The following AKAP19 variants were observed in gnomAD, a reference collection of about 807,000 sequenced individuals.
AKAP19 encodes the protein small A-kinase anchoring protein.
chr2:190,084,231 T>G, the AKAP19 span, among the ~76,000 whole-genome samples: 4 of 152,040 alleles, frequency 2.6e-5, no homozygotes, highest in Admixed American at 6.6e-5. Context: ...TACCTGGGAT[T>G]ACAGGCGCCC....
the AKAP19 span, chr2:190,060,405 G>A: frequency 6.2e-7 from 1 of 1,609,958 alleles, no homozygotes; most frequent in South Asian, 1.1e-5. Context: ...GCAACATTTG[G>A]GTTTTCCATC....
chr2:189,985,249 A>C, the AKAP19 span, among the ~76,000 whole-genome samples: 2 of 152,016 alleles, frequency 1.3e-5, no homozygotes, highest in Non-Finnish European at 2.9e-5. Flanking sequence ...TCAGTTTTCC[A>C]TACAGAGCTT....
chr2:190,026,217 C>T, the AKAP19 span, among the ~76,000 whole-genome samples: 5 of 152,152 alleles, frequency 3.3e-5, no homozygotes, highest in South Asian at 4.1e-4. Flanking sequence ...GCTATGTCCA[C>T]AGGCCAAATC....
the AKAP19 span, among the ~76,000 whole-genome samples, chr2:190,084,415 T>C: frequency 2.7e-3 from 417 of 152,292 alleles, 3 homozygotes; most frequent in African/African-American, 9.6e-3. Context: ...ATTTTAAAGC[T>C]TCTGGGTGAT....
the AKAP19 span, among the ~76,000 whole-genome samples, chr2:190,016,162 C>T: frequency 1.3e-5 from 2 of 152,178 alleles, no homozygotes; most frequent in Admixed American, 1.3e-4. Context: ...TATAGCAGCA[C>T]CCCACTCCTA....
the AKAP19 span, among the ~76,000 whole-genome samples, chr2:190,193,188 A>C: frequency 6.6e-6 from 1 of 151,876 alleles, no homozygotes; most frequent in Non-Finnish European, 1.5e-5. Flanking sequence ...ATTTTATCAA[A>C]ATTTTTTTTC....
the AKAP19 span, among the ~76,000 whole-genome samples, chr2:189,985,657 A>G: frequency 6.6e-6 from 1 of 152,220 alleles, no homozygotes; most frequent in Non-Finnish European, 1.5e-5. Context: ...GCTTGGAAGC[A>G]GATTCTTCCC....
the AKAP19 span, among the ~76,000 whole-genome samples, chr2:190,024,061 A>G: frequency 5.9e-4 from 90 of 151,900 alleles, no homozygotes; most frequent in East Asian, 0.015. Context: ...GGGGCAGTAG[A>G]TGCAATAGTA....
At chr2:190,091,987 A>G in the AKAP19 span, among the ~76,000 whole-genome samples, 6 of 152,162 alleles carry the variant, frequency 3.9e-5, no homozygotes, top group African/African-American at 1.4e-4. Flanking sequence ...CTTCCTCAGA[A>G]ATTAAATATT....
chr2:190,099,000 A>T, the AKAP19 span, among the ~76,000 whole-genome samples: 1 of 152,282 alleles, frequency 6.6e-6, no homozygotes, highest in Admixed American at 6.5e-5. Flanking sequence ...TTTGCTCTTG[A>T]TTAGGCTTCA....
the AKAP19 span, among the ~76,000 whole-genome samples, chr2:189,883,483 C>T: frequency 1.3e-5 from 2 of 149,686 alleles, no homozygotes; most frequent in African/African-American, 4.9e-5. Context: ...TCGTTTCTAA[C>T]ATTCTGTTAT....
the AKAP19 span, among the ~76,000 whole-genome samples, chr2:190,138,171 G>T: frequency 6.6e-6 from 1 of 152,090 alleles, no homozygotes. Context: ...TTCATTCCTG[G>T]CCTTCTTTGT....
At chr2:189,899,680 A>G in the AKAP19 span, among the ~76,000 whole-genome samples, 2 of 151,712 alleles carry the variant, frequency 1.3e-5, no homozygotes, top group Non-Finnish European at 2.9e-5. Context: ...GCCCTTTTTC[A>G]TCTCTGTTGT....
At chr2:190,197,397 T>C in the AKAP19 span, among the ~76,000 whole-genome samples, 1 of 152,210 alleles carries the variant, frequency 6.6e-6, no homozygotes, top group Admixed American at 6.5e-5. The surrounding 1 kb of genome is among the most constrained non-coding windows in gnomAD (Gnocchi z 4.0). Flanking sequence ...AACTCTTAAG[T>C]CCTAGAGGAA....
the AKAP19 span, among the ~76,000 whole-genome samples, chr2:190,119,484 A>T: frequency 6.6e-6 from 1 of 152,192 alleles, no homozygotes; most frequent in Admixed American, 6.5e-5. Flanking sequence ...AGTTCTGCAC[A>T]CGTGGGGATA....
the AKAP19 span, among the ~76,000 whole-genome samples, chr2:190,045,266 AGGAT>A: frequency 6.6e-6 from 1 of 151,948 alleles, no homozygotes; most frequent in Non-Finnish European, 1.5e-5. Context: ...GCTGTGCTGG[AGGAT>A]CCCTTCTATC....
chr2:189,940,078 G>C, the AKAP19 span, among the ~76,000 whole-genome samples: 1 of 152,140 alleles, frequency 6.6e-6, no homozygotes, highest in African/African-American at 2.4e-5. Flanking sequence ...AGGAGATCGA[G>C]ACCATCTTGG....
At chr2:190,030,294 G>A in the AKAP19 span, among the ~76,000 whole-genome samples, 38 of 152,010 alleles carry the variant, frequency 2.5e-4, no homozygotes, top group East Asian at 6.0e-3. Flanking sequence ...GTATTATCTC[G>A]GTCTTCTAGA....
the AKAP19 span, among the ~76,000 whole-genome samples, chr2:189,895,587 G>T: frequency 6.6e-6 from 1 of 152,098 alleles, no homozygotes; most frequent in South Asian, 2.1e-4. Flanking sequence ...CTCTGCAGGT[G>T]TTAATGTACC....
Sources: allele counts gnomAD v4.1 joint callset (sites outside exome capture counted in the v4.1 genomes callset), GRCh38; gene constraint gnomAD v4.1.1; non-coding constraint Gnocchi (gnomAD v3.1); transcripts MANE v1.5; gene names NCBI Gene and HGNC (gene_info 2026-07-23, HGNC 2026-07-21).